NEXN: variants seen among roughly 807,000 people sequenced by gnomAD.
The protein encoded by NEXN is nexilin F-actin binding protein.
In NEXN, 65 loss-of-function variants were observed where a neutral mutation model predicts 92.6. The ratio of observed to expected loss-of-function variants is 0.70; its 90% confidence interval spans 0.57 to 0.86. NEXN has a LOEUF of 0.86. Ranked by LOEUF, NEXN falls within the 40% of genes least tolerant of loss-of-function variation. The pLI is 0.00. For missense variants in NEXN, 778 were observed against 771.1 expected, an observed-to-expected ratio of 1.01 and a Z score of -0.11; for synonymous variants, 254 against 242.5, an observed-to-expected ratio of 1.05 and a Z score of -0.44.
chr1:77,933,482 A>G lies in NEXN; in HGVS notation c.1251+3A>G. On this transcript the variant is annotated splice_donor_region_variant and intron_variant, in intron 10 of 12. Coordinates refer to ENST00000334785, the MANE Select transcript of NEXN (RefSeq NM_144573.4). ...AACTGAGACAGGAAATGGGAGAGGT[A>G]AGATTTTAAGAAATATCTATATTCC... The G allele has an allele frequency of 6.3e-7, 1 of 1,580,532 alleles. No homozygotes were observed. The highest frequency in any genetic ancestry group is 8.7e-7 in the Non-Finnish European group (1 of 1,150,214).
intron 9 of NEXN, among the ~76,000 whole-genome samples, chr1:77,932,429 C>G (rs768640187): frequency 3.8e-4 from 58 of 152,288 alleles, no homozygotes; most frequent in Admixed American, 7.2e-4. Flanking sequence ...TATAACTGCA[C>G]TTGGCAGCTC....
chr1:77,940,139 A>T (rs948517016), intron 11 of NEXN, among the ~76,000 whole-genome samples: 3 of 152,278 alleles, frequency 2.0e-5, no homozygotes, highest in Admixed American at 6.5e-5. Flanking sequence ...ACCTTACCTA[A>T]TCAAAGAATT....
rs539917367 is a variant in NEXN, at chr1:77,927,100, T to A, written c.864+208T>A. ...ACTTTGGGAGGCCAAGGTGGGTAGA[T>A]CACCTGAGGTCAGGAGTTTGAAACC... On this transcript the variant is annotated intron_variant, in intron 8 of 12. Transcript: ENST00000334785. 2.0e-5 allele frequency among the ~76,000 whole-genome samples: 3 copies of A among 152,108 alleles called. No individual in the cohort carries two copies. In the South Asian group the frequency reaches 6.2e-4, roughly 31 times the overall value.
chr1:77,919,447 A>C (rs899874000), intron 5 of NEXN, among the ~76,000 whole-genome samples: 13 of 152,208 alleles, frequency 8.5e-5, no homozygotes, highest in African/African-American at 2.9e-4. Flanking sequence ...CTTGCATACT[A>C]AAGAAATGTA....
In NEXN at chr1:77,942,005, T is replaced by C. The variant is rs765254918; in HGVS notation, c.1474-18T>C. Reference sequence around the variant, plus strand: ...TTAGAAGGCAAGCAATTGTTAATCTTGGCCCACTTTCTTGCAGGAAGATGA... The same window carrying C: ...TTAGAAGGCAAGCAATTGTTAATCTCGGCCCACTTTCTTGCAGGAAGATGA... On this transcript the variant is annotated intron_variant, in intron 11 of 12. Transcript: ENST00000334785. 3.7e-6 allele frequency: 6 copies of C among 1,609,268 alleles called. No individual in the cohort carries two copies. In the East Asian group the frequency reaches 1.3e-4, roughly 36 times the overall value.
chr1:77,899,401 C>T (rs1025025310), intron 1 of NEXN, among the ~76,000 whole-genome samples: 1 of 151,848 alleles, frequency 6.6e-6, no homozygotes, highest in African/African-American at 2.4e-5. Flanking sequence ...AGCAAACTAT[C>T]GCAAGGACAA....
chr1:77,917,742 C>A lies in NEXN; in HGVS notation c.204C>A (p.Asn68Lys). The change falls in exon 3 of 13, where the codon AAC (asparagine) becomes AAA (lysine). Residue 68 changes from asparagine to lysine, a missense_variant. Around this residue, in one of 3 missense-constraint regions of NEXN, gnomAD observed 236 missense variants for 265.6 expected, o/e 0.89. Transcript: ENST00000334785. The part of the protein sequence containing the change: ...KEQYIREREW[N>K]RRKQEIKEML... ...AATATATTAGAGAGAGAGAATGGAA[C>A]AGGAGAAAGCAGGAGGTTATTTTAT... 6.2e-7 allele frequency: 1 copy of A among 1,604,684 alleles called. No individual in the cohort carries two copies. The highest frequency in any genetic ancestry group is 8.5e-7 in the Non-Finnish European group (1 of 1,172,190).
At chr1:77,896,595 A>C (rs1647268936) in intron 1 of NEXN, among the ~76,000 whole-genome samples, 1 of 152,012 alleles carries the variant, frequency 6.6e-6, no homozygotes. Context: ...CCCCATCCCT[A>C]CTAAAAATAC....
intron 5 of NEXN, among the ~76,000 whole-genome samples, chr1:77,922,964 C>T (rs1274086335): frequency 6.7e-6 from 1 of 148,318 alleles, no homozygotes; most frequent in Non-Finnish European, 1.5e-5. Context: ...TTTTAACAAA[C>T]TTTGCTCAGA....
chr1:77,925,106 CTAAAT>C, intron 5 of NEXN, 77 bp from the exon 6 acceptor site: 1 of 895,802 alleles, frequency 1.1e-6, no homozygotes, highest in South Asian at 1.5e-5. Flanking sequence ...TAAGTCACAA[CTAAAT>C]TACTTTCCAG....
intron 1 of NEXN, among the ~76,000 whole-genome samples, chr1:77,906,483 G>A: frequency 6.6e-6 from 1 of 151,966 alleles, no homozygotes; most frequent in African/African-American, 2.4e-5. Context: ...AAATACAAAG[G>A]TTATTAAGCG....
chr1:77,912,418 C>A (rs950451842), intron 1 of NEXN, among the ~76,000 whole-genome samples: 1 of 152,024 alleles, frequency 6.6e-6, no homozygotes, highest in Non-Finnish European at 1.5e-5. Flanking sequence ...AAAATCCCAG[C>A]ATATTATTTT....
chr1:77,942,554 A>C lies in NEXN; in HGVS notation c.1753A>C (p.Lys585Gln). 6.2e-7 allele frequency: 1 copy of C among 1,613,950 alleles called. No individual in the cohort carries two copies. The highest frequency in any genetic ancestry group is 8.5e-7 in the Non-Finnish European group (1 of 1,179,834). ...EQTRSGAPWF[K>Q]KPLKNTSVVD... The stretch of plus-strand genomic sequence containing the variant: ...AACCAGATCAGGAGCTCCATGGTTC[A>C]AGAAGCCTCTTAAAAACACATCAGT... The change falls in exon 13 of 13, where the codon AAG becomes CAG. Residue 585 changes from lysine to glutamine, a missense_variant. Transcript: ENST00000334785.
intron 5 of NEXN, among the ~76,000 whole-genome samples, chr1:77,919,989 T>C (rs983417300): frequency 2.0e-5 from 3 of 151,622 alleles, no homozygotes; most frequent in African/African-American, 7.3e-5. Flanking sequence ...AACCTCTGCC[T>C]CCCGGATTCA....
rs756640217 is a variant in NEXN at position 77,935,806 on chromosome 1, ATT to A, written c.1252-16_1252-15del. ...TCTCAAAAACAGCAGCAACAAACTTATTAATTTTTTTTGAAGGAAGAGGAAGA... is the reference window on the plus strand; with the variant it reads ...TCTCAAAAACAGCAGCAACAAACTTAAATTTTTTTTGAAGGAAGAGGAAGA... On this transcript the variant is annotated splice_polypyrimidine_tract_variant and intron_variant, in intron 10 of 12. Coordinates refer to ENST00000334785, the MANE Select transcript of NEXN (RefSeq NM_144573.4). 2.7e-5 allele frequency: 44 copies of A among 1,603,294 alleles called. No homozygotes were observed. The highest frequency in any genetic ancestry group is 3.7e-5 in the Non-Finnish European group (43 of 1,172,736).
chr1:77,911,453 A>G (rs1648568546), intron 1 of NEXN, among the ~76,000 whole-genome samples: 1 of 151,912 alleles, frequency 6.6e-6, no homozygotes, highest in Non-Finnish European at 1.5e-5. Context: ...TTAGCCAGGC[A>G]TAGTGGCGGA....
At chr1:77,919,102 C>T (rs1013624065) in intron 5 of NEXN, among the ~76,000 whole-genome samples, 1 of 152,058 alleles carries the variant, frequency 6.6e-6, no homozygotes, top group Non-Finnish European at 1.5e-5. Flanking sequence ...TCTTACGTAG[C>T]GGTGGCAAGA....
chr1:77,939,280 G>C (rs948125558), intron 11 of NEXN, among the ~76,000 whole-genome samples: 32 of 152,318 alleles, frequency 2.1e-4, no homozygotes, highest in South Asian at 2.1e-4. Context: ...TGTAAAGTTT[G>C]AGTGATATTT....
At chr1:77,912,008 G>A (rs537741777) in intron 1 of NEXN, among the ~76,000 whole-genome samples, 29 of 151,474 alleles carry the variant, frequency 1.9e-4, no homozygotes, top group Admixed American at 1.2e-3. Flanking sequence ...GAACCCGGGA[G>A]GCAGAGGTTG....
Sources: gnomAD v4.1 joint callset for allele counts (sites outside exome capture counted in the v4.1 genomes callset) on GRCh38, gnomAD v4.1.1 for gene constraint, gnomAD v4.1.1 regional missense constraint, MANE v1.5 for transcripts, NCBI Gene and HGNC (gene_info 2026-07-23, HGNC 2026-07-21) for gene names.